Variants in GSN observed in about 807,000 individuals in gnomAD.
GSN encodes the protein gelsolin.
In GSN, 56 loss-of-function variants were observed where a neutral mutation model predicts 85.7. The observed-to-expected ratio is 0.65, with a 90% CI of 0.53 to 0.82. GSN has a LOEUF of 0.82. GSN is among the 40% of genes least tolerant of loss of function. GSN has a pLI of 0.00. For synonymous variants in GSN, 373 were observed against 399.1 expected (o/e 0.93, Z 0.78); for missense variants, 857 against 979.8 (o/e 0.87, Z 1.67).
chr9:121,248,964 C>G (rs1295532760), intron 6 of GSN, among the ~76,000 whole-genome samples: 2 of 152,104 alleles, frequency 1.3e-5, no homozygotes, highest in East Asian at 3.9e-4. Context: ...CATTTAGAGG[C>G]CATCGTGTAG....
chr9:121,222,800 C>T (rs2132116375), intron 4 of GSN: 1 of 152,154 alleles, frequency 6.6e-6, no homozygotes, highest in East Asian at 1.9e-4. Flanking sequence ...TTAAAATTTT[C>T]TAGAGCAGGA....
At chr9:121,235,296 GAT>G (rs1376351315) in intron 5 of GSN, among the ~76,000 whole-genome samples, 2 of 152,194 alleles carry the variant, frequency 1.3e-5, no homozygotes, top group Admixed American at 1.3e-4. Flanking sequence ...CAAGATACCT[GAT>G]GCTTTCAGAA....
At position 121,313,811 on chromosome 9, in the gene GSN, T is replaced by A; in HGVS notation, c.664-123T>A. 12 of 792,124 alleles carry A rather than the reference T, an allele frequency of 1.5e-5. 1 individual carries two copies. In the South Asian group the frequency reaches 1.7e-4, roughly 11 times the overall value. The allele number at this position is 792,124 out of a possible 1,614,324, so 49.1% of individuals were successfully genotyped here. A position where few individuals can be genotyped will look rare whatever the true frequency, so the allele number is the denominator to read the frequency against. ...AGATGCAGGATGTGTCTGGAGGAGGTCAGACTCCATGGGGAGGGTCACAGT... is the reference window on the plus strand; with the variant it reads ...AGATGCAGGATGTGTCTGGAGGAGGACAGACTCCATGGGGAGGGTCACAGT... On this transcript the variant is annotated intron_variant, in intron 6 of 17. Transcript: ENST00000432226.
chr9:121,295,196 T>TC (rs1298062584), intron 2 of GSN, among the ~76,000 whole-genome samples: 3 of 152,038 alleles, frequency 2.0e-5, no homozygotes, highest in Non-Finnish European at 2.9e-5. Context: ...GGTACCATTC[T>TC]CCCCCTTTTA....
intron 2 of GSN, among the ~76,000 whole-genome samples, chr9:121,290,422 C>T (rs749622569): frequency 4.6e-5 from 7 of 152,106 alleles, no homozygotes; most frequent in African/African-American, 1.7e-4. Flanking sequence ...TTAAATAAAA[C>T]CTATTAGAGT....
chr9:121,235,354 G>A (rs1254508662), intron 5 of GSN, among the ~76,000 whole-genome samples: 1 of 152,172 alleles, frequency 6.6e-6, no homozygotes, highest in African/African-American at 2.4e-5. Context: ...CCTTTTAGGT[G>A]GCTGAGAATT....
intron 2 of GSN, among the ~76,000 whole-genome samples, chr9:121,289,312 C>T (rs186458752): frequency 3.3e-5 from 5 of 152,282 alleles, no homozygotes; most frequent in East Asian, 1.9e-4. Context: ...GCCAAGCCCA[C>T]GGCTCAGGAA....
upstream of GSN, among the ~76,000 whole-genome samples, chr9:121,205,834 G>C (rs1198417794): frequency 6.6e-6 from 1 of 151,960 alleles, no homozygotes; most frequent in African/African-American, 2.4e-5. Flanking sequence ...TCTTCCCAGA[G>C]CCTAAACAAT....
intron 1 of GSN, among the ~76,000 whole-genome samples, chr9:121,277,603 ATCTG>A (rs1238725734): frequency 6.6e-6 from 1 of 152,016 alleles, no homozygotes; most frequent in Admixed American, 6.6e-5. Context: ...CATCTGACTT[ATCTG>A]TCTATTTTAT....
At chr9:121,317,785 C>T (rs2061890960) in intron 8 of GSN, 1 of 196,714 alleles carries the variant, frequency 5.1e-6, no homozygotes, top group Non-Finnish European at 1.1e-5. Context: ...CTCTAAGGCT[C>T]ATCTTGGGGA....
intron 12 of GSN, among the ~76,000 whole-genome samples, chr9:121,325,296 G>A (rs866023435): frequency 6.6e-6 from 1 of 152,226 alleles, no homozygotes; most frequent in South Asian, 2.1e-4. Context: ...GGAGGGGACT[G>A]TTCAACTGGG....
chr9:121,295,296 G>A (rs2059107708), intron 2 of GSN, among the ~76,000 whole-genome samples: 1 of 152,192 alleles, frequency 6.6e-6, no homozygotes, highest in Non-Finnish European at 1.5e-5. Flanking sequence ...TCCAGGCCCT[G>A]TTCAGTTCCA....
chr9:121,235,068 G>A (rs187605082), intron 5 of GSN, among the ~76,000 whole-genome samples: 26 of 152,276 alleles, frequency 1.7e-4, no homozygotes, highest in Admixed American at 1.7e-3. Flanking sequence ...TCTCTCGCAA[G>A]CCCCAGATAT....
chr9:121,202,859 G>A (rs570378365), upstream of GSN, among the ~76,000 whole-genome samples: 1 of 152,334 alleles, frequency 6.6e-6, no homozygotes, highest in East Asian at 1.9e-4. Context: ...GGGCGCGGTG[G>A]CTCACGCCTG....
intron 4 of GSN, among the ~76,000 whole-genome samples, chr9:121,220,496 G>A (rs1468205032): frequency 1.4e-5 from 2 of 145,108 alleles, no homozygotes; most frequent in Non-Finnish European, 3.1e-5. Context: ...AAGAATCAGA[G>A]GCTCAGACAG....
At position 121,302,955 on chromosome 9, in the gene GSN, A is replaced by G. The variant is rs145441439; in HGVS notation, c.241A>G (p.Thr81Ala). The G allele has an allele frequency of 2.0e-5, 33 of 1,613,870 alleles. 1 individual carries two copies. Among genetic ancestry groups the G allele is most frequent in the Non-Finnish European group, 2.8e-5 (33 of 1,180,008 alleles). ...QDESGAAAIFTVQLDDYLNGR... is the reference protein window; with the variant it reads ...QDESGAAAIFAVQLDDYLNGR... ...TGAGAGCGGGGCGGCCGCCATCTTT[A>G]CCGTGCAGCTGGATGACTACCTGAA... The change falls in exon 4 of 18, where the codon ACC becomes GCC. Residue 81 changes from threonine to alanine, a missense_variant. Physicochemically the swap from Thr to Ala is moderately conservative, Grantham distance 58. Coordinates refer to ENST00000432226, the MANE Select transcript of GSN (RefSeq NM_198252.3).
chr9:121,246,666 C>T lies in GSN; in HGVS notation c.-388-1610C>T, dbSNP rs144171215. 1.7e-3 allele frequency among the ~76,000 whole-genome samples: 252 copies of T among 152,256 alleles called. 1 individual carries two copies. The highest frequency in any genetic ancestry group is 5.7e-3 in the African/African-American group (237 of 41,546). ...TCCATATCCTTTCTCCAGCTCTCAT[C>T]GCCGCTCTTCAGCATTACCATGACT... On this transcript the variant is annotated intron_variant, in intron 5 of 24. Transcript: ENST00000373823.
intron 1 of GSN, among the ~76,000 whole-genome samples, chr9:121,276,495 C>G (rs1468177471): frequency 6.6e-6 from 1 of 152,226 alleles, no homozygotes; most frequent in Non-Finnish European, 1.5e-5. Context: ...ATCCCATCCC[C>G]CAGAGACTTT....
At chr9:121,222,900 G>C (rs571346079) in intron 4 of GSN, 5 of 152,074 alleles carry the variant, frequency 3.3e-5, no homozygotes, top group Non-Finnish European at 4.4e-5. Context: ...GACTTGGGGG[G>C]GGGTCTTACA....
Sources: gnomAD v4.1 joint callset for allele counts (sites outside exome capture counted in the v4.1 genomes callset) on GRCh38, gnomAD v4.1.1 for gene constraint, MANE v1.5 for transcripts, NCBI Gene and HGNC (gene_info 2026-07-23, HGNC 2026-07-21) for gene names.